Variants in TENM3 observed in about 807,000 individuals in gnomAD.
TENM3 encodes the protein teneurin-3.
In TENM3, 63 loss-of-function variants were observed where a neutral mutation model predicts 255.1. That is an observed-to-expected ratio of 0.25 (90% CI 0.20 to 0.30). The LOEUF is 0.30. Ranked by LOEUF, TENM3 falls within the 10% of genes least tolerant of loss-of-function variation. The probability of loss-of-function intolerance (pLI) is 1.00; values close to 1 mark genes in which losing one functional copy is unlikely to be tolerated. For synonymous variants in TENM3, 1,306 were observed against 1,322.3 expected, an observed-to-expected ratio of 0.99 and a Z score of 0.27; for missense variants, 2,929 against 3,461.1, an observed-to-expected ratio of 0.85 and a Z score of 3.86.
intron 1 of TENM3, among the ~76,000 whole-genome samples, chr4:182,222,755 A>G (rs1755920459): frequency 6.6e-6 from 1 of 152,092 alleles, no homozygotes; most frequent in Non-Finnish European, 1.5e-5. Context: ...CTTTTTTATT[A>G]GTACATTTTA....
In TENM3 at chr4:182,754,401, C is replaced by T; in HGVS notation, c.4034C>T (p.Pro1345Leu). Residue 1345 changes from proline to leucine, a missense_variant, in exon 22 of 28, where the codon CCC (proline) becomes CTC (leucine). Coordinates refer to ENST00000511685, the MANE Select transcript of TENM3 (RefSeq NM_001080477.4). The surrounding 1 kb of genome is among the most constrained non-coding windows in gnomAD (Gnocchi z 5.1). ...MHISQVRLEW[P>L]TDLAINPMDN... ...TTTATTAAGGTACGTCTGGAATGGC[C>T]CACTGACCTAGCCATTAACCCTATG... The T allele has an allele frequency of 6.2e-7, 1 of 1,603,538 alleles. No homozygotes were observed.
chr4:182,619,380 G>A (rs1247361947), intron 4 of TENM3, among the ~76,000 whole-genome samples: 3 of 151,588 alleles, frequency 2.0e-5, no homozygotes, highest in East Asian at 1.9e-4. Context: ...GCGGTGAGCC[G>A]AGATCACGCT....
chr4:182,337,222 A>G (rs1452066095), intron 2 of TENM3, among the ~76,000 whole-genome samples: 4 of 152,218 alleles, frequency 2.6e-5, no homozygotes, highest in Admixed American at 6.5e-5. Context: ...TCAAAATTAC[A>G]AAGTTTTGCT....
At chr4:182,190,821 C>G (rs1257722181) in intron 1 of TENM3, among the ~76,000 whole-genome samples, 1 of 152,070 alleles carries the variant, frequency 6.6e-6, no homozygotes, top group Non-Finnish European at 1.5e-5. Context: ...ATTTGAGGAT[C>G]CTGAAAGTTC....
intron 3 of TENM3, among the ~76,000 whole-genome samples, chr4:182,569,198 T>C (rs779470906): frequency 6.6e-6 from 1 of 152,118 alleles, no homozygotes; most frequent in Non-Finnish European, 1.5e-5. Flanking sequence ...TGTTGGGAAA[T>C]TCTGAGATAA....
the TENM3 span, among the ~76,000 whole-genome samples, chr4:181,507,950 T>G: frequency 6.6e-6 from 1 of 152,248 alleles, no homozygotes; most frequent in Non-Finnish European, 1.5e-5. Flanking sequence ...TTGTTTGATG[T>G]AGCTTTTATT....
chr4:181,544,215 G>T, the TENM3 span, among the ~76,000 whole-genome samples: 1 of 151,690 alleles, frequency 6.6e-6, no homozygotes, highest in Non-Finnish European at 1.5e-5. Flanking sequence ...AATGATATAG[G>T]ATATCTATTC....
chr4:182,173,343 A>G (rs942758135), intron 1 of TENM3, among the ~76,000 whole-genome samples: 1 of 152,220 alleles, frequency 6.6e-6, no homozygotes, highest in Non-Finnish European at 1.5e-5. Context: ...AAGATTTGTG[A>G]CAAGAGTTCA....
At chr4:181,819,073 GGT>G in the TENM3 span, among the ~76,000 whole-genome samples, 2 of 152,066 alleles carry the variant, frequency 1.3e-5, no homozygotes, top group Admixed American at 1.3e-4. Context: ...TGCCCATGAA[GGT>G]GAGCCCCGAA....
chr4:181,765,924 T>C, the TENM3 span, among the ~76,000 whole-genome samples: 1 of 152,186 alleles, frequency 6.6e-6, no homozygotes, highest in Non-Finnish European at 1.5e-5. Context: ...TTATAAAGTG[T>C]TAAGTTATGT....
intron 3 of TENM3, among the ~76,000 whole-genome samples, chr4:182,582,717 G>C (rs960586196): frequency 7.2e-5 from 11 of 152,066 alleles, no homozygotes; most frequent in Admixed American, 7.2e-4. Context: ...TTTTAGACTC[G>C]ATATGGACGT....
At chr4:182,651,907 A>T (rs1236620048) in intron 5 of TENM3, among the ~76,000 whole-genome samples, 1 of 152,206 alleles carries the variant, frequency 6.6e-6, no homozygotes, top group Non-Finnish European at 1.5e-5. Flanking sequence ...AAAACTACCA[A>T]ATTTTTAAAG....
At chr4:181,588,938 G>A in the TENM3 span, among the ~76,000 whole-genome samples, 27 of 152,098 alleles carry the variant, frequency 1.8e-4, no homozygotes, top group Admixed American at 3.9e-4. Flanking sequence ...AATTGTTTAG[G>A]TCTCCAGTTC....
At chr4:182,005,842 G>C in the TENM3 span, among the ~76,000 whole-genome samples, 1 of 152,098 alleles carries the variant, frequency 6.6e-6, no homozygotes, top group African/African-American at 2.4e-5. Flanking sequence ...ATGTGAATGG[G>C]AGTTCATTCC....
chr4:182,356,966 T>C (rs1765593540), intron 3 of TENM3, among the ~76,000 whole-genome samples: 1 of 150,222 alleles, frequency 6.7e-6, no homozygotes, highest in South Asian at 2.1e-4. Context: ...GAATATGCGG[T>C]GTTTGGTTTT....
the TENM3 span, among the ~76,000 whole-genome samples, chr4:181,693,029 G>C: frequency 2.0e-5 from 3 of 152,116 alleles, no homozygotes; most frequent in Non-Finnish European, 2.9e-5. Context: ...AGAACCAGAG[G>C]AGTAGTCAAA....
intron 3 of TENM3, among the ~76,000 whole-genome samples, chr4:182,595,460 G>A (rs186650629): frequency 2.8e-4 from 42 of 152,252 alleles, no homozygotes; most frequent in Admixed American, 2.5e-3. Context: ...CTTAAGTGAC[G>A]CTGTTGAAGA....
the TENM3 span, among the ~76,000 whole-genome samples, chr4:182,055,538 A>G: frequency 6.6e-6 from 1 of 152,002 alleles, no homozygotes; most frequent in African/African-American, 2.4e-5. Flanking sequence ...TGCTCTGGAC[A>G]CCCGGCAGAG....
the TENM3 span, among the ~76,000 whole-genome samples, chr4:181,593,381 C>A: frequency 6.6e-6 from 1 of 152,146 alleles, no homozygotes; most frequent in African/African-American, 2.4e-5. Flanking sequence ...TGCATATACA[C>A]TTTTGTGTAT....
Sources: allele counts gnomAD v4.1 joint callset (sites outside exome capture counted in the v4.1 genomes callset), GRCh38; gene constraint gnomAD v4.1.1; non-coding constraint Gnocchi (gnomAD v3.1); transcripts MANE v1.5; gene names NCBI Gene and HGNC (gene_info 2026-07-23, HGNC 2026-07-21).